Variants in CLYBL observed in about 807,000 individuals in gnomAD.
CLYBL encodes citramalyl-CoA lyase, also known as citramalyl-CoA lyase, mitochondrial.
Under a neutral mutation model 38.9 loss-of-function variants are expected in CLYBL, and 31 were observed. The ratio of observed to expected loss-of-function variants is 0.80; its 90% CI spans 0.60 to 1.08. The LOEUF (loss-of-function observed/expected upper bound fraction) is 1.08. Ranked by LOEUF, CLYBL falls within the 50% of genes least tolerant of loss-of-function variation. The probability of loss-of-function intolerance (pLI) is 0.00; values close to 1 mark genes in which losing one functional copy is unlikely to be tolerated. For synonymous variants in CLYBL, 171 were observed against 158.6 expected (o/e 1.08, Z -0.59); for missense variants, 434 against 411.6 (o/e 1.05, Z -0.47).
intron 1 of CLYBL, among the ~76,000 whole-genome samples, chr13:99,740,761 T>G (rs1230440324): frequency 6.6e-6 from 1 of 152,214 alleles, no homozygotes. Context: ...TAATTAGCAC[T>G]GAATTTTCAA....
chr13:99,800,907 CA>C (rs66941924), intron 2 of CLYBL, among the ~76,000 whole-genome samples: 45,664 of 138,896 alleles, frequency 0.33, 7,476 homozygotes, highest in Middle Eastern at 0.43. Flanking sequence ...AAAAAAAAAA[CA>C]AAAAAAAAAA....
intron 1 of CLYBL, among the ~76,000 whole-genome samples, chr13:99,745,542 G>A (rs768943782): frequency 7.2e-5 from 11 of 152,188 alleles, no homozygotes; most frequent in South Asian, 2.1e-4. Context: ...AGGAATTAGT[G>A]CTTATAGCAC....
chr13:99,770,810 C>T (rs923852004), intron 1 of CLYBL, among the ~76,000 whole-genome samples: 37 of 151,964 alleles, frequency 2.4e-4, no homozygotes, highest in South Asian at 1.2e-3. Flanking sequence ...CAATCTCCAC[C>T]TCCTGGGTTC....
At chr13:99,883,790 C>T (rs893004490) in intron 7 of CLYBL, among the ~76,000 whole-genome samples, 10 of 152,152 alleles carry the variant, frequency 6.6e-5, no homozygotes, top group South Asian at 2.1e-4. Flanking sequence ...CCAGTCCCCA[C>T]GCCCCTCTCC....
chr13:99,720,911 TTTCTA>T (rs2048382402), intron 1 of CLYBL, among the ~76,000 whole-genome samples: 1 of 152,192 alleles, frequency 6.6e-6, no homozygotes, highest in Admixed American at 6.6e-5. Flanking sequence ...GTCCTCATTC[TTTCTA>T]TTCTCTCATT....
At chr13:99,868,613 T>G (rs1299345598) in intron 6 of CLYBL, among the ~76,000 whole-genome samples, 3 of 152,218 alleles carry the variant, frequency 2.0e-5, no homozygotes, top group East Asian at 3.8e-4. Context: ...TGAGTTGTAG[T>G]TTTTAAAAGT....
chr13:99,885,070 T>A (rs2052315203), intron 7 of CLYBL: 1 of 529,734 alleles, frequency 1.9e-6, no homozygotes, highest in African/African-American at 1.9e-5. Flanking sequence ...ACCTGGCAGG[T>A]ACTGGGTGCT....
At chr13:99,652,676 G>T (rs2047272038) in intron 1 of CLYBL, among the ~76,000 whole-genome samples, 1 of 152,216 alleles carries the variant, frequency 6.6e-6, no homozygotes, top group Admixed American at 6.5e-5. Context: ...GTGCGAAAGG[G>T]TCCCGAATGT....
chr13:99,804,301 A>G (rs2050190390), intron 2 of CLYBL, among the ~76,000 whole-genome samples: 1 of 152,142 alleles, frequency 6.6e-6, no homozygotes, highest in Non-Finnish European at 1.5e-5. Flanking sequence ...TTGACATTAA[A>G]CTGTTCAGCA....
chr13:99,737,652 T>C (rs1223655810), intron 1 of CLYBL, among the ~76,000 whole-genome samples: 4 of 152,218 alleles, frequency 2.6e-5, no homozygotes, highest in Non-Finnish European at 5.9e-5. Context: ...AAGAGTGTTG[T>C]TAATCACTAT....
At chr13:99,788,431 G>GGCC (rs1266404345) in intron 2 of CLYBL, among the ~76,000 whole-genome samples, 1 of 152,128 alleles carries the variant, frequency 6.6e-6, no homozygotes, top group African/African-American at 2.4e-5. Flanking sequence ...TTTTGTCAAA[G>GGCC]GCCTTTTCTG....
At chr13:99,897,125 C>T (rs2052591014), downstream of CLYBL, 1 of 152,214 alleles carries the variant, frequency 6.6e-6, no homozygotes, top group Non-Finnish European at 1.5e-5. Flanking sequence ...GTTTGAAAAA[C>T]TACAGGCCAT....
intron 1 of CLYBL, among the ~76,000 whole-genome samples, chr13:99,608,079 TTTTTTTTC>T (rs1475569733): frequency 1.3e-4 from 18 of 133,526 alleles, no homozygotes; most frequent in African/African-American, 5.3e-4. Context: ...TTTTTTTTTT[TTTTTTTTC>T]CGAGATGGAG....
chr13:99,848,021 A>G (rs1252755476), intron 2 of CLYBL, among the ~76,000 whole-genome samples: 1 of 152,080 alleles, frequency 6.6e-6, no homozygotes, highest in East Asian at 1.9e-4. Flanking sequence ...CCATAGCCTC[A>G]TATGTACAAA....
chr13:99,780,390 C>CT (rs915656356), intron 2 of CLYBL, among the ~76,000 whole-genome samples: 28 of 151,888 alleles, frequency 1.8e-4, no homozygotes, highest in African/African-American at 1.5e-4. Flanking sequence ...CAATTTCACT[C>CT]TTTTTTTTGA....
intron 2 of CLYBL, among the ~76,000 whole-genome samples, chr13:99,821,441 T>A (rs901328195): frequency 4.6e-5 from 7 of 152,230 alleles, no homozygotes; most frequent in African/African-American, 1.7e-4. Context: ...CTCCTGTTAT[T>A]GGATAAATAT....
intron 2 of CLYBL, among the ~76,000 whole-genome samples, chr13:99,807,166 G>A (rs528519258): frequency 1.3e-5 from 2 of 152,322 alleles, no homozygotes; most frequent in South Asian, 4.1e-4. Context: ...TGCTGCAGCT[G>A]CAAACCACAA....
intron 1 of CLYBL, among the ~76,000 whole-genome samples, chr13:99,731,725 C>A (rs1045940081): frequency 6.6e-6 from 1 of 152,158 alleles, no homozygotes; most frequent in South Asian, 2.1e-4. Context: ...CAGTGGACCC[C>A]TGGATGGGGA....
intron 2 of CLYBL, among the ~76,000 whole-genome samples, chr13:99,773,993 G>A (rs2049456325): frequency 6.6e-6 from 1 of 151,886 alleles, no homozygotes; most frequent in Admixed American, 6.6e-5. Context: ...ACTTTAGGAG[G>A]CCAAGATAGG....
Sources: gnomAD v4.1 joint callset for allele counts (sites outside exome capture counted in the v4.1 genomes callset) on GRCh38, gnomAD v4.1.1 for gene constraint, MANE v1.5 for transcripts, NCBI Gene and HGNC (gene_info 2026-07-23, HGNC 2026-07-21) for gene names.